The following LTA4H variants were observed in gnomAD, a reference collection of about 807,000 sequenced individuals.
LTA4H encodes the protein leukotriene A4 hydrolase.
LTA4H carries 59 observed loss-of-function variants against 89.8 expected under a neutral mutation model. That is an observed-to-expected ratio of 0.66 (90% CI 0.53 to 0.82). LTA4H has a LOEUF of 0.82. LTA4H is among the 40% of genes least tolerant of loss of function. LTA4H has a pLI of 0.00. For missense variants in LTA4H, 617 were observed against 727.0 expected, an observed-to-expected ratio of 0.85 and a Z score of 1.74; for synonymous variants, 227 against 253.1, an observed-to-expected ratio of 0.90 and a Z score of 0.98.
At position 96,013,275 on chromosome 12, in the gene LTA4H, T is replaced by C. The variant is rs1024903272; in HGVS notation, c.1309-17A>G. 1.3e-6 allele frequency: 2 copies of C among 1,585,362 alleles called. No individual in the cohort carries two copies. The highest frequency in any genetic ancestry group is 1.7e-6 in the Non-Finnish European group (2 of 1,154,146). On this transcript the variant is annotated splice_polypyrimidine_tract_variant and intron_variant, in intron 13 of 18. Coordinates refer to ENST00000228740, the MANE Select transcript of LTA4H (RefSeq NM_000895.3). ...AACATCAACCTATGAATAGTAAGAA[T>C]TCACAGTTTACAATAGAATGCCCTT...
rs971197040 is a variant in LTA4H at position 96,035,424 on chromosome 12, G to A, written c.96C>T (p.Arg32=). The A allele has an allele frequency of 3.7e-6, 6 of 1,610,772 alleles. No individual in the cohort carries two copies. In the Admixed American group the frequency reaches 5.0e-5, roughly 14 times the overall value. The change falls in exon 1 of 19, where the codon CGC becomes CGT. Residue 32 remains arginine (R), a synonymous_variant. Transcript: ENST00000228740. ...LHLRCSVDFT[R]RTLTGTAALT... ...GAGCAGCAGTCCCGGTCAGCGTCCG[G>A]CGAGTAAAGTCGACGCTGCAGCGCA...
upstream of LTA4H, among the ~76,000 whole-genome samples, chr12:96,035,992 G>A (rs752534183): frequency 2.0e-5 from 3 of 152,162 alleles, no homozygotes; most frequent in Non-Finnish European, 4.4e-5. Flanking sequence ...CGTAGAAAAG[G>A]CCTATCAGAA....
chr12:96,036,129 T>G (rs1424600050), upstream of LTA4H, among the ~76,000 whole-genome samples: 2 of 152,214 alleles, frequency 1.3e-5, no homozygotes, highest in East Asian at 3.8e-4. Flanking sequence ...CTGTAAGTAA[T>G]TCAAGGTTTA....
rs1950168195 is a variant in LTA4H at position 96,004,609 on chromosome 12, A to G, written c.1531-689T>C. ...CAGTTTGGACAAGCAGAGAGTTTGT[A>G]GTGCCTGTGAGAGGCAGAGGTGCCT... On this transcript the variant is annotated intron_variant, in intron 16 of 18. Transcript: ENST00000228740. Among the ~76,000 whole-genome samples, 4 of 152,200 alleles carry G rather than the reference A, an allele frequency of 2.6e-5. No individual in the cohort carries two copies. The South Asian group carries it at 8.3e-4, about 31-fold the overall frequency.
At position 96,017,578 on chromosome 12, in the gene LTA4H, T is replaced by C; in HGVS notation, c.855A>G (p.Ala285=). The C allele has an allele frequency of 6.2e-7, 1 of 1,610,234 alleles. No homozygotes were observed. The highest frequency in any genetic ancestry group is 2.2e-5 in the East Asian group (1 of 44,714). ...CLTFVTPTLL[A]GDKSLSNVIA... ...TTACATTGGAGAGTGACTTGTCGCC[T>C]GCCTACAAAAAAAGAAAATTACCTT... is the stretch of plus-strand genomic sequence containing the variant. The change falls in exon 9 of 19, where the codon GCA becomes GCG. Residue 285 remains alanine, a splice_region_variant and synonymous_variant. Transcript: ENST00000228740.
In LTA4H at chr12:96,003,048, T is replaced by G; in HGVS notation, c.1630A>C (p.Ile544Leu). 1.9e-6 allele frequency: 3 copies of G among 1,599,490 alleles called. No homozygotes were observed. Among genetic ancestry groups the G allele is most frequent in the Non-Finnish European group, 2.6e-6 (3 of 1,172,048 alleles). Reference protein sequence around the residue: ...EIRFRWLRLCIQSKWEDAIPL... With the variant: ...EIRFRWLRLCLQSKWEDAIPL... Reference sequence around the variant, plus strand: ...ATTGCGTCCTCCCACTTGGATTGAATGCAGAGCCGCAGCCATCTAAAAGGA... The same window carrying G: ...ATTGCGTCCTCCCACTTGGATTGAAGGCAGAGCCGCAGCCATCTAAAAGGA... Residue 544 changes from isoleucine to leucine, a missense_variant, in exon 18 of 19, where the codon ATT becomes CTT. Coordinates refer to ENST00000228740, the MANE Select transcript of LTA4H (RefSeq NM_000895.3).
At chr12:96,003,224 C>T (rs1566000194) in intron 17 of LTA4H, among the ~76,000 whole-genome samples, 160 bp from the exon 18 acceptor site, 1 of 152,106 alleles carries the variant, frequency 6.6e-6, no homozygotes, top group Non-Finnish European at 1.5e-5. Context: ...ACTCTCAAAT[C>T]CTTATATATA....
At chr12:96,004,102 T>G in intron 16 of LTA4H, 182 bp from the exon 17 acceptor site, 1 of 382,200 alleles carries the variant, frequency 2.6e-6, no homozygotes, top group Non-Finnish European at 4.7e-6. Context: ...TTATTCCAGA[T>G]GAGGATATTC....
intron 18 of LTA4H, among the ~76,000 whole-genome samples, chr12:96,002,120 G>C (rs776642877): frequency 2.2e-4 from 34 of 152,206 alleles, no homozygotes; most frequent in Non-Finnish European, 4.4e-4. Flanking sequence ...GCCTCCCAAA[G>C]TGCTGGGATT....
intron 17 of LTA4H, among the ~76,000 whole-genome samples, chr12:96,003,278 G>A (rs1225630496): frequency 6.6e-6 from 1 of 152,172 alleles, no homozygotes; most frequent in African/African-American, 2.4e-5. Flanking sequence ...GCTGGTTCTT[G>A]AAAAAGATCA....
At chr12:96,004,015 A>G (rs1950153469) in intron 16 of LTA4H, 95 bp from the exon 17 acceptor site, 2 of 557,708 alleles carry the variant, frequency 3.6e-6, no homozygotes, top group Admixed American at 7.4e-5. Context: ...TTAAAATCCT[A>G]AATATTTTAT....
intron 3 of LTA4H, among the ~76,000 whole-genome samples, chr12:96,026,125 A>G (rs749922136): frequency 1.3e-5 from 2 of 152,204 alleles, no homozygotes; most frequent in Non-Finnish European, 2.9e-5. Flanking sequence ...TAGGACTAGC[A>G]GAGCCACCTG....
chr12:96,019,353 A>G (rs1192210261), intron 6 of LTA4H, 113 bp from the exon 7 acceptor site: 1 of 834,746 alleles, frequency 1.2e-6, no homozygotes, highest in Admixed American at 2.5e-5. Flanking sequence ...TGCATTTACC[A>G]TGTGCCTATG....
intron 2 of LTA4H, 67 bp from the exon 3 acceptor site, chr12:96,027,631 AC>A: frequency 1.1e-6 from 1 of 951,502 alleles, no homozygotes; most frequent in Non-Finnish European, 1.6e-6. Flanking sequence ...AACTCATAAT[AC>A]ATACACTGAA....
chr12:96,036,124 A>C (rs867440924), upstream of LTA4H, among the ~76,000 whole-genome samples: 1 of 152,220 alleles, frequency 6.6e-6, no homozygotes, highest in African/African-American at 2.4e-5. Context: ...TTTAGCTGTA[A>C]GTAATTCAAG....
chr12:96,018,526 C>T (rs1221554025), intron 8 of LTA4H, among the ~76,000 whole-genome samples: 1 of 147,934 alleles, frequency 6.8e-6, no homozygotes, highest in Non-Finnish European at 1.5e-5. Context: ...CCAACCTGGG[C>T]AACAGAGCAA....
At chr12:96,023,404 T>C (rs2136904106) in intron 4 of LTA4H, among the ~76,000 whole-genome samples, 1 of 152,330 alleles carries the variant, frequency 6.6e-6, no homozygotes, top group Admixed American at 6.5e-5. Flanking sequence ...TTTTTAGAAA[T>C]GGGGTCTCGC....
intron 7 of LTA4H, 82 bp downstream of exon 7, chr12:96,019,086 C>A: frequency 7.4e-7 from 1 of 1,349,998 alleles, no homozygotes; most frequent in Admixed American, 2.1e-5. Flanking sequence ...CCCCGTATCA[C>A]TTAAAACCAT....
intron 1 of LTA4H, among the ~76,000 whole-genome samples, chr12:96,041,087 G>A (rs1003166294): frequency 5.9e-5 from 9 of 151,922 alleles, no homozygotes; most frequent in African/African-American, 2.2e-4. Context: ...ACAATCCAAG[G>A]GATTAAAAGA....
Sources: gnomAD v4.1 joint callset for allele counts (sites outside exome capture counted in the v4.1 genomes callset) on GRCh38, gnomAD v4.1.1 for gene constraint, MANE v1.5 for transcripts, NCBI Gene and HGNC (gene_info 2026-07-23, HGNC 2026-07-21) for gene names.